The following DUSP16 variants were observed in gnomAD, a reference collection of about 807,000 sequenced individuals.
DUSP16 encodes the protein dual specificity protein phosphatase 16.
In DUSP16, 21 loss-of-function variants were observed where a neutral mutation model predicts 58.3. The ratio of observed to expected loss-of-function variants is 0.36; its 90% CI spans 0.26 to 0.52. The LOEUF is 0.52. Ranked by LOEUF, DUSP16 falls within the 20% of genes least tolerant of loss-of-function variation. The pLI is 0.94. For missense variants in DUSP16, 726 were observed against 819.0 expected, an observed-to-expected ratio of 0.89 and a Z score of 1.39; for synonymous variants, 320 against 323.8, an observed-to-expected ratio of 0.99 and a Z score of 0.12.
chr12:12,557,474 AT>A (rs1371084122), intron 1 of DUSP16, among the ~76,000 whole-genome samples: 7 of 151,920 alleles, frequency 4.6e-5, no homozygotes, highest in African/African-American at 1.7e-4. Flanking sequence ...AAAAAAAAAA[AT>A]CTAAGTTTCC....
At chr12:12,536,908 G>A (rs569605573) in intron 1 of DUSP16, among the ~76,000 whole-genome samples, 23 of 152,164 alleles carry the variant, frequency 1.5e-4, no homozygotes, top group African/African-American at 4.6e-4. Context: ...GCATGGTGGC[G>A]CATTCCTGTA....
intron 1 of DUSP16, among the ~76,000 whole-genome samples, chr12:12,550,484 C>T (rs1478067662): frequency 3.3e-5 from 5 of 152,068 alleles, no homozygotes; most frequent in African/African-American, 9.7e-5. Context: ...CGAGGATGCA[C>T]GGTATGTGGT....
At position 12,476,777 on chromosome 12, in the gene DUSP16, T is replaced by C. The variant is rs765923726; in HGVS notation, c.*56A>G. 238 of 1,479,288 alleles carry C rather than the reference T, an allele frequency of 1.6e-4. No individual in the cohort carries two copies. Among genetic ancestry groups the C allele is most frequent in the Non-Finnish European group, 2.0e-4 (226 of 1,109,900 alleles). The allele number at this position is 1,479,288 out of a possible 1,614,324, so 91.6% of individuals were successfully genotyped here. A position where few individuals can be genotyped will look rare whatever the true frequency, so the allele number is the denominator to read the frequency against. The stretch of plus-strand genomic sequence containing the variant: ...ATATATATTTCAGATTTACAGGGAA[T>C]TTTTTTGTGAACAAGAAAAAAAAAT... On this transcript the variant is annotated 3_prime_UTR_variant, in exon 7 of 7. Coordinates refer to ENST00000298573, the MANE Select transcript of DUSP16 (RefSeq NM_030640.3).
chr12:12,537,735 A>G (rs1336408875), intron 1 of DUSP16, among the ~76,000 whole-genome samples: 1 of 152,222 alleles, frequency 6.6e-6, no homozygotes, highest in Non-Finnish European at 1.5e-5. Flanking sequence ...ATTTGCTATC[A>G]ACATATTTAA....
chr12:12,529,625 G>A (rs1421723813), intron 1 of DUSP16, among the ~76,000 whole-genome samples: 1 of 152,084 alleles, frequency 6.6e-6, no homozygotes, highest in Non-Finnish European at 1.5e-5. Flanking sequence ...CTGTACAATA[G>A]ATCCTTGAAC....
intron 1 of DUSP16, among the ~76,000 whole-genome samples, chr12:12,524,529 T>G (rs1308238585): frequency 6.6e-6 from 1 of 152,272 alleles, no homozygotes; most frequent in Non-Finnish European, 1.5e-5. Context: ...TTTTAAAAAT[T>G]TCTCTGTAGT....
intron 5 of DUSP16, among the ~76,000 whole-genome samples, chr12:12,482,927 G>A (rs1456573504): frequency 1.3e-5 from 2 of 152,102 alleles, no homozygotes; most frequent in Non-Finnish European, 1.5e-5. Flanking sequence ...TGACTAGGCT[G>A]GTGTCAAACT....
chr12:12,483,999 A>T (rs997147673), intron 5 of DUSP16, among the ~76,000 whole-genome samples: 1 of 150,530 alleles, frequency 6.6e-6, no homozygotes, highest in Non-Finnish European at 1.5e-5. Context: ...TTTAAAAATT[A>T]AAAAAAAATT....
chr12:12,558,840 A>C (rs1944851783), intron 1 of DUSP16, among the ~76,000 whole-genome samples: 1 of 152,132 alleles, frequency 6.6e-6, no homozygotes, highest in South Asian at 2.1e-4. Context: ...TTTCATGGCA[A>C]GATGTATTCT....
In DUSP16 at chr12:12,480,255, C is replaced by T. The variant is rs1237306241; in HGVS notation, c.783G>A (p.Lys261=). The stretch of plus-strand genomic sequence containing the variant: ...CTTCATCTAAAGACATGTCCATCCT[C>T]TTCATGATGTAGGCGATAGCGATGG... The part of the protein sequence containing the change: ...SATIAIAYIM[K]RMDMSLDEAY... The change falls in exon 6 of 7, where the codon AAG becomes AAA. Residue 261 remains lysine, a synonymous_variant. Transcript: ENST00000298573. The T allele has an allele frequency of 5.6e-6, 9 of 1,614,086 alleles. No individual in the cohort carries two copies. The highest frequency in any genetic ancestry group is 7.6e-6 in the Non-Finnish European group (9 of 1,180,038).
intron 1 of DUSP16, among the ~76,000 whole-genome samples, chr12:12,528,114 C>T (rs977362243): frequency 1.3e-5 from 2 of 152,174 alleles, no homozygotes; most frequent in African/African-American, 4.8e-5. Flanking sequence ...TTTATGATCA[C>T]CTGTTTCACC....
At chr12:12,511,091 G>C (rs1031271655) in intron 3 of DUSP16, among the ~76,000 whole-genome samples, 25 of 152,232 alleles carry the variant, frequency 1.6e-4, no homozygotes, top group African/African-American at 5.3e-4. Context: ...GATGTAATCT[G>C]AATTAGTTAA....
intron 3 of DUSP16, among the ~76,000 whole-genome samples, chr12:12,513,177 C>G (rs1386888963): frequency 6.6e-6 from 1 of 152,178 alleles, no homozygotes; most frequent in Non-Finnish European, 1.5e-5. Context: ...AAACATTAAT[C>G]GAAGACCTTT....
chr12:12,554,317 C>G (rs1477187382), intron 1 of DUSP16, among the ~76,000 whole-genome samples: 7 of 151,680 alleles, frequency 4.6e-5, no homozygotes, highest in Non-Finnish European at 7.4e-5. Flanking sequence ...ACCATGCTAC[C>G]TAAGCTGGTC....
At chr12:12,526,199 T>C (rs1301405007) in intron 1 of DUSP16, among the ~76,000 whole-genome samples, 5 of 152,220 alleles carry the variant, frequency 3.3e-5, no homozygotes, top group Admixed American at 6.5e-5. Flanking sequence ...AAATACCATT[T>C]CTGGTATATT....
chr12:12,559,849 C>T (rs1458601972), intron 1 of DUSP16, among the ~76,000 whole-genome samples: 1 of 152,136 alleles, frequency 6.6e-6, no homozygotes, highest in African/African-American at 2.4e-5. Flanking sequence ...CTTCTCACAC[C>T]TACTCTTCCC....
chr12:12,515,731 A>G lies in DUSP16; in HGVS notation c.367+4131T>C, dbSNP rs74359210. On this transcript the variant is annotated intron_variant, in intron 3 of 6. Transcript: ENST00000298573. ...ACCTGACTTCAAAATTGAAAAAAAA[A>G]GGAAACAATGGTTTGCCATTACCTA... Among the ~76,000 whole-genome samples, 1,292 of 152,184 alleles carry G rather than the reference A, an allele frequency of 8.5e-3. 23 individuals are homozygous for G. The highest frequency in any genetic ancestry group is 0.029 in the African/African-American group (1,208 of 41,516).
intron 1 of DUSP16, among the ~76,000 whole-genome samples, chr12:12,528,452 T>C (rs1194858186): frequency 6.6e-6 from 1 of 152,108 alleles, no homozygotes; most frequent in Non-Finnish European, 1.5e-5. Flanking sequence ...AGAAGGGTAT[T>C]TTCAGTAAAG....
chr12:12,545,801 A>G (rs769946356), intron 1 of DUSP16, among the ~76,000 whole-genome samples: 20 of 151,384 alleles, frequency 1.3e-4, no homozygotes, highest in South Asian at 4.1e-4. Context: ...ATGGATAAAT[A>G]AAGTCTAACG....
Sources: allele counts gnomAD v4.1 joint callset (sites outside exome capture counted in the v4.1 genomes callset), GRCh38; gene constraint gnomAD v4.1.1; transcripts MANE v1.5; gene names NCBI Gene and HGNC (gene_info 2026-07-23, HGNC 2026-07-21).